Variants in FNDC3A observed in about 807,000 individuals in gnomAD.
FNDC3A encodes the protein fibronectin type-III domain-containing protein 3A.
A neutral mutation model predicts 148.9 loss-of-function variants in FNDC3A; 32 were observed. The ratio of observed to expected loss-of-function variants is 0.21; its 90% CI spans 0.16 to 0.29. The LOEUF (loss-of-function observed/expected upper bound fraction) is 0.29. Ranked by LOEUF, FNDC3A falls within the 10% of genes least tolerant of loss-of-function variation. The probability of loss-of-function intolerance (pLI) is 1.00; values close to 1 mark genes in which losing one functional copy is unlikely to be tolerated. For missense variants in FNDC3A, 1,191 were observed against 1,452.8 expected (o/e 0.82, Z 2.93); for synonymous variants, 472 against 473.6 (o/e 1.00, Z 0.04).
At chr13:49,015,813 G>A (rs1377707211) in intron 2 of FNDC3A, among the ~76,000 whole-genome samples, 15 of 151,658 alleles carry the variant, frequency 9.9e-5, no homozygotes, top group African/African-American at 3.6e-4. Context: ...TTAGCATGAA[G>A]CGTTGTTGAA....
intron 4 of FNDC3A, among the ~76,000 whole-genome samples, chr13:49,127,792 C>T (rs768643343): frequency 1.3e-5 from 2 of 152,210 alleles, no homozygotes; most frequent in Non-Finnish European, 2.9e-5. Context: ...CACAGCCTTC[C>T]TCATCACATT....
At chr13:49,006,081 T>A (rs1952215248) in intron 1 of FNDC3A, 71 bp from the exon 2 acceptor site, 2 of 528,354 alleles carry the variant, frequency 3.8e-6, no homozygotes, top group Non-Finnish European at 6.6e-6. Flanking sequence ...GAATGAAACA[T>A]CTTGAATGTA....
chr13:49,182,943 A>G (rs903444934), intron 14 of FNDC3A, among the ~76,000 whole-genome samples: 1 of 152,154 alleles, frequency 6.6e-6, no homozygotes, highest in Non-Finnish European at 1.5e-5. Context: ...TATTATGTAT[A>G]TAACTGCCTT....
chr13:49,207,163 G>A lies in FNDC3A; in HGVS notation c.3365G>A (p.Arg1122His), dbSNP rs1489592446. 1.2e-6 allele frequency: 2 copies of A among 1,613,854 alleles called. No individual in the cohort carries two copies. The highest frequency in any genetic ancestry group is 2.2e-5 in the East Asian group (1 of 44,890). ...CEYRFRVCAI[R>H]QCQDSLGHQD... Reference sequence around the variant, plus strand: ...TATCGCTTCCGTGTATGTGCCATTCGCCAGTGCCAAGACTCTCTGGGACAC... The same window carrying A: ...TATCGCTTCCGTGTATGTGCCATTCACCAGTGCCAAGACTCTCTGGGACAC... Residue 1122 changes from arginine to histidine, a missense_variant, in exon 26 of 26, where the codon CGC becomes CAC. Physicochemically the swap from Arg to His is conservative, Grantham distance 29 (BLOSUM62 0). Transcript: ENST00000492622.
upstream of FNDC3A, chr13:48,975,833 G>T (rs989770618): frequency 6.6e-6 from 1 of 151,574 alleles, no homozygotes; most frequent in Non-Finnish European, 1.5e-5. Flanking sequence ...GGCTCGAGGC[G>T]GGGGTTCGGG....
At chr13:49,096,001 G>T (rs1284419668) in intron 3 of FNDC3A, among the ~76,000 whole-genome samples, 1 of 152,034 alleles carries the variant, frequency 6.6e-6, no homozygotes, top group African/African-American at 2.4e-5. Flanking sequence ...TATAGAGATA[G>T]AAAAATCATT....
chr13:49,188,531 G>A lies in FNDC3A; in HGVS notation c.1842G>A (p.Met614Ile). 6.2e-7 allele frequency: 1 copy of A among 1,611,920 alleles called. No individual in the cohort carries two copies. The highest frequency in any genetic ancestry group is 1.1e-5 in the South Asian group (1 of 91,036). The change falls in exon 17 of 26, where the codon ATG becomes ATA. Residue 614 changes from methionine (M) to isoleucine (I), a missense_variant. Around this residue, in one of 3 missense-constraint regions of FNDC3A, gnomAD observed 751 missense variants for 944.0 expected, o/e 0.80. Coordinates refer to ENST00000492622, the MANE Select transcript of FNDC3A (RefSeq NM_001079673.2). ...ACCTTACAGGAAACAAATGGGAAAT[G>A]ATATACAGTGGTGCTACCAGGGAAC... ...AEGSNGNKWE[M>I]IYSGATREHL... is the part of the protein sequence containing the mutation.
At chr13:48,981,142 G>A (rs1951687203) in intron 1 of FNDC3A, among the ~76,000 whole-genome samples, 1 of 152,002 alleles carries the variant, frequency 6.6e-6, no homozygotes, top group Admixed American at 6.5e-5. Flanking sequence ...TTTAGTTTAA[G>A]GAGAAATTCA....
chr13:49,022,320 A>T (rs546372353), intron 2 of FNDC3A, among the ~76,000 whole-genome samples: 1 of 152,262 alleles, frequency 6.6e-6, no homozygotes, highest in East Asian at 1.9e-4. Context: ...CCTAAAAACA[A>T]AGCTCTACAT....
At chr13:49,131,414 T>C (rs760964832) in intron 5 of FNDC3A, 40 bp downstream of exon 5, 1 of 1,378,226 alleles carries the variant, frequency 7.3e-7, no homozygotes, top group South Asian at 1.2e-5. Flanking sequence ...TTGAGTTGGA[T>C]ATTCTTCGCT....
intron 3 of FNDC3A, among the ~76,000 whole-genome samples, chr13:49,075,835 A>G (rs1043129517): frequency 1.0e-4 from 8 of 77,302 alleles, no homozygotes; most frequent in Non-Finnish European, 1.6e-4. Flanking sequence ...CCCCTTTCAG[A>G]TCCTACCTGT....
chr13:49,102,643 A>G (rs1013668834), intron 3 of FNDC3A, among the ~76,000 whole-genome samples: 6 of 152,168 alleles, frequency 3.9e-5, no homozygotes, highest in African/African-American at 1.4e-4. Flanking sequence ...AGGACAATAC[A>G]GGATGCTTGT....
intron 2 of FNDC3A, among the ~76,000 whole-genome samples, chr13:49,052,196 G>A (rs959865408): frequency 1.3e-5 from 2 of 152,026 alleles, no homozygotes; most frequent in Admixed American, 6.6e-5. Flanking sequence ...CAGAGCTTTT[G>A]TCTTGGTTTG....
intron 11 of FNDC3A, among the ~76,000 whole-genome samples, chr13:49,172,643 G>A (rs1464553089): frequency 6.6e-6 from 1 of 152,094 alleles, no homozygotes; most frequent in Non-Finnish European, 1.5e-5. Flanking sequence ...TTCCTCCTCT[G>A]TCTTCAAATC....
chr13:49,151,282 A>G (rs1456507458), intron 8 of FNDC3A, among the ~76,000 whole-genome samples: 4 of 152,124 alleles, frequency 2.6e-5, no homozygotes, highest in Non-Finnish European at 4.4e-5. Flanking sequence ...GGGTACATAT[A>G]TGTTTAGAAT....
At chr13:49,162,389 T>G (rs1031929719) in intron 8 of FNDC3A, among the ~76,000 whole-genome samples, 1 of 152,202 alleles carries the variant, frequency 6.6e-6, no homozygotes, top group Non-Finnish European at 1.5e-5. Context: ...TTTCTTCCAC[T>G]TGATGGAATC....
At chr13:49,206,838 C>T (rs1396241768) in intron 25 of FNDC3A, among the ~76,000 whole-genome samples, 1 of 152,184 alleles carries the variant, frequency 6.6e-6, no homozygotes, top group Non-Finnish European at 1.5e-5. Flanking sequence ...GGCACATCTG[C>T]ACTCCTTAAT....
intron 3 of FNDC3A, among the ~76,000 whole-genome samples, chr13:49,092,186 C>T (rs1235602299): frequency 1.3e-5 from 2 of 152,216 alleles, no homozygotes; most frequent in Admixed American, 1.3e-4. Flanking sequence ...GCTTGCACAG[C>T]AGCCTGGACC....
intron 4 of FNDC3A, 105 bp from the exon 5 acceptor site, chr13:49,131,032 C>A: frequency 1.2e-6 from 1 of 826,052 alleles, no homozygotes; most frequent in Non-Finnish European, 2.0e-6. Flanking sequence ...TCCCAAAGTG[C>A]TGGGACTAGA....
Sources: gnomAD v4.1 joint callset for allele counts (sites outside exome capture counted in the v4.1 genomes callset) on GRCh38, gnomAD v4.1.1 for gene constraint, gnomAD v4.1.1 regional missense constraint, MANE v1.5 for transcripts, NCBI Gene and HGNC (gene_info 2026-07-23, HGNC 2026-07-21) for gene names.